PTPRZ1: variants seen among roughly 807,000 people sequenced by gnomAD.
PTPRZ1 encodes the protein receptor-type tyrosine-protein phosphatase zeta.
PTPRZ1 carries 82 observed loss-of-function variants against 214.1 expected under a neutral mutation model. That is an observed-to-expected ratio of 0.38 (90% confidence interval 0.32 to 0.46). The LOEUF is 0.46. Among genes scored for constraint, PTPRZ1 ranks in the 20% least tolerant of loss-of-function variants. PTPRZ1 has a pLI of 1.00. For missense variants in PTPRZ1, 2,603 were observed against 2,748.7 expected (o/e 0.95, Z 1.19); for synonymous variants, 945 against 987.9 (o/e 0.96, Z 0.81).
At chr7:121,910,802 G>A (rs1011255435) in intron 1 of PTPRZ1, among the ~76,000 whole-genome samples, 1 of 151,894 alleles carries the variant, frequency 6.6e-6, no homozygotes, top group African/African-American at 2.4e-5. Context: ...ACATAAATTT[G>A]GCATTATAAT....
Position 121,997,899 on chromosome 7 carries a change from T to C in PTPRZ1, c.1133T>C (p.Leu378Ser). 6.2e-7 allele frequency: 1 copy of C among 1,608,328 alleles called. No homozygotes were observed. Among genetic ancestry groups the C allele is most frequent in the Non-Finnish European group, 8.5e-7 (1 of 1,175,496 alleles). Residue 378 changes from leucine (L) to serine (S), a missense_variant, in exon 10 of 30, where the codon TTG (leucine) becomes TCG (serine). Transcript: ENST00000393386. ...TTTTAGGGTGCTATTCTCAATAATT[T>C]GCTACCCAATATGAGTTATGTTCTT... ...YQDLGAILNN[L>S]LPNMSYVLQI...
chr7:122,046,457 A>G (rs1791985638), intron 23 of PTPRZ1, among the ~76,000 whole-genome samples: 1 of 152,184 alleles, frequency 6.6e-6, no homozygotes. Flanking sequence ...ATAGTGTGAA[A>G]AATGCCATTA....
chr7:121,953,139 A>T (rs1796608696), intron 2 of PTPRZ1, among the ~76,000 whole-genome samples: 1 of 152,178 alleles, frequency 6.6e-6, no homozygotes, highest in African/African-American at 2.4e-5. Flanking sequence ...TTTAAATAGG[A>T]GTTTGGTTTA....
chr7:121,969,756 A>T (rs921390252), intron 3 of PTPRZ1, among the ~76,000 whole-genome samples: 4 of 151,876 alleles, frequency 2.6e-5, no homozygotes, highest in Non-Finnish European at 4.4e-5. Context: ...AGAAAGCAGT[A>T]GGGCATGGAA....
Position 122,013,283 on chromosome 7 carries a change from G to T in PTPRZ1, c.4237G>T (p.Val1413Leu). 1 of 1,612,404 alleles carries T rather than the reference G, an allele frequency of 6.2e-7. No homozygotes were observed. Among genetic ancestry groups the T allele is most frequent in the Non-Finnish European group, 8.5e-7 (1 of 1,179,714 alleles). The change falls in exon 12 of 30, where the codon GTG becomes TTG. Residue 1413 changes from valine (V) to leucine (L), a missense_variant. Physicochemically the swap from Val to Leu is conservative, Grantham distance 32. Coordinates refer to ENST00000393386, the MANE Select transcript of PTPRZ1 (RefSeq NM_002851.3). ...TAGTGCCAAATCTGATGCCGGTTTA[G>T]TGGGTGGTGGTGAAGATGGTGACAC... Reference protein sequence around the residue: ...SHSAKSDAGLVGGGEDGDTDD... With the variant: ...SHSAKSDAGLLGGGEDGDTDD...
chr7:121,886,308 G>T (rs183902221), intron 1 of PTPRZ1, among the ~76,000 whole-genome samples: 1 of 152,130 alleles, frequency 6.6e-6, no homozygotes, highest in East Asian at 1.9e-4. Flanking sequence ...AATTCCTACT[G>T]ATTAATCCTC....
intron 1 of PTPRZ1, among the ~76,000 whole-genome samples, chr7:121,886,514 AC>A (rs1794402513): frequency 6.6e-6 from 1 of 151,832 alleles, no homozygotes; most frequent in South Asian, 2.1e-4. Flanking sequence ...ATAACAACAA[AC>A]CCATCTACTA....
chr7:121,996,247 G>T (rs1562851712), intron 8 of PTPRZ1, 135 bp from the exon 9 acceptor site: 1 of 596,186 alleles, frequency 1.7e-6, no homozygotes, highest in East Asian at 3.0e-5. Flanking sequence ...ATAAGCAAAA[G>T]CTCCACAGTG....
chr7:121,930,014 C>A (rs1795876766), intron 2 of PTPRZ1, among the ~76,000 whole-genome samples: 1 of 150,556 alleles, frequency 6.6e-6, no homozygotes, highest in South Asian at 2.1e-4. Flanking sequence ...TGTTTTGTTA[C>A]TTTAATTTGC....
intron 12 of PTPRZ1, among the ~76,000 whole-genome samples, chr7:122,014,945 A>G (rs1236352710): frequency 6.6e-6 from 1 of 152,202 alleles, no homozygotes; most frequent in South Asian, 2.1e-4. Flanking sequence ...TAATATGTAC[A>G]GTATGTATAG....
At chr7:122,003,017 A>G (rs1368817590) in intron 10 of PTPRZ1, among the ~76,000 whole-genome samples, 1 of 152,182 alleles carries the variant, frequency 6.6e-6, no homozygotes, top group Non-Finnish European at 1.5e-5. Context: ...AAGGAAGGTC[A>G]TTTGTCTGTC....
intron 1 of PTPRZ1, among the ~76,000 whole-genome samples, chr7:121,910,978 G>A (rs2116308212): frequency 6.6e-6 from 1 of 152,246 alleles, no homozygotes; most frequent in East Asian, 1.9e-4. Context: ...AGCCACAGAA[G>A]TTCTAGACAT....
rs117143408 is a variant in PTPRZ1, at chr7:121,917,012, T to C, written c.59-11144T>C. Among the ~76,000 whole-genome samples the C allele has an allele frequency of 4.1e-3, 620 of 152,306 alleles. 3 individuals are homozygous for C. Among genetic ancestry groups the C allele is most frequent in the Non-Finnish European group, 5.8e-3 (392 of 68,020 alleles). On this transcript the variant is annotated intron_variant, in intron 1 of 29. Coordinates refer to ENST00000393386, the MANE Select transcript of PTPRZ1 (RefSeq NM_002851.3). ...GGACTAAAAGTATCCAGCAGAGGAA[T>C]GTGAAGCCACTAAAATGATTCTGCT...
intron 8 of PTPRZ1, among the ~76,000 whole-genome samples, chr7:121,990,802 G>A (rs914444769): frequency 1.3e-5 from 2 of 152,118 alleles, no homozygotes; most frequent in Non-Finnish European, 2.9e-5. Flanking sequence ...TTACAGGCGT[G>A]AGCCATCGTG....
Position 122,019,395 on chromosome 7 carries a change from A to G in PTPRZ1, c.4988+127A>G, listed in dbSNP as rs1019438848. 10 of 976,122 alleles carry G rather than the reference A, an allele frequency of 1.0e-5. No homozygotes were observed. The African/African-American group carries it at 1.7e-4, about 16-fold the overall frequency. The allele number at this position is 976,122 out of a possible 1,614,324, so 60.5% of individuals were successfully genotyped here. On this transcript the variant is annotated intron_variant, in intron 13 of 29. Transcript: ENST00000393386. Reference sequence around the variant, plus strand: ...CTGAGAGCTGCCATTAATTTATTCAAGGTAAATTTGTGAATCCAAAGGCAC... The same window carrying G: ...CTGAGAGCTGCCATTAATTTATTCAGGGTAAATTTGTGAATCCAAAGGCAC...
At chr7:122,026,890 A>G (rs1036959121) in intron 13 of PTPRZ1, among the ~76,000 whole-genome samples, 1 of 152,222 alleles carries the variant, frequency 6.6e-6, no homozygotes, top group Non-Finnish European at 1.5e-5. Flanking sequence ...CATCAGAGAA[A>G]TGCTTCGGGG....
At chr7:121,937,414 C>T (rs1272297317) in intron 2 of PTPRZ1, among the ~76,000 whole-genome samples, 2 of 152,122 alleles carry the variant, frequency 1.3e-5, no homozygotes, top group East Asian at 3.9e-4. Flanking sequence ...GTTCCCAGTT[C>T]ATTGTGATGC....
chr7:122,039,107 T>C (rs1294302850), intron 19 of PTPRZ1, among the ~76,000 whole-genome samples: 2 of 152,192 alleles, frequency 1.3e-5, no homozygotes, highest in Non-Finnish European at 1.5e-5. Context: ...TTCTTCATAC[T>C]GTGGGAGAAG....
intron 1 of PTPRZ1, among the ~76,000 whole-genome samples, chr7:121,893,154 G>A (rs1794689939): frequency 1.3e-5 from 2 of 152,044 alleles, no homozygotes; most frequent in African/African-American, 2.4e-5. Context: ...TTGGTGATCT[G>A]CCTTTTGAAT....
Sources: allele counts gnomAD v4.1 joint callset (sites outside exome capture counted in the v4.1 genomes callset), GRCh38; gene constraint gnomAD v4.1.1; transcripts MANE v1.5; gene names NCBI Gene and HGNC (gene_info 2026-07-23, HGNC 2026-07-21).